Variants in DAW1 observed in about 807,000 individuals in gnomAD.
DAW1 encodes dynein assembly factor with WD repeat domains 1.
In DAW1, 47 loss-of-function variants were observed where a neutral mutation model predicts 56.5. The ratio of observed to expected loss-of-function variants is 0.83; its 90% CI spans 0.66 to 1.06. The LOEUF is 1.06. DAW1 is among the 50% of genes least tolerant of loss of function. The probability of loss-of-function intolerance (pLI) is 0.00; values close to 1 mark genes in which losing one functional copy is unlikely to be tolerated. For missense variants in DAW1, 505 were observed against 499.3 expected (o/e 1.01, Z -0.11); for synonymous variants, 190 against 179.0 (o/e 1.06, Z -0.49).
At chr2:227,890,970 A>G (rs1691247748) in intron 3 of DAW1, among the ~76,000 whole-genome samples, 1 of 152,250 alleles carries the variant, frequency 6.6e-6, no homozygotes, top group Admixed American at 6.5e-5. Flanking sequence ...TTCAGGATTC[A>G]TAAAGTCATA....
At chr2:227,880,886 G>A (rs1355828918) in intron 1 of DAW1, among the ~76,000 whole-genome samples, 1 of 152,168 alleles carries the variant, frequency 6.6e-6, no homozygotes, top group Non-Finnish European at 1.5e-5. Flanking sequence ...GATATAGACT[G>A]GAGATTTGCA....
At chr2:227,875,002 C>A (rs1574644820) in intron 1 of DAW1, among the ~76,000 whole-genome samples, 2 of 128,564 alleles carry the variant, frequency 1.6e-5, no homozygotes, top group East Asian at 2.2e-4. Context: ...AAACAAAAAA[C>A]AAACCATCCC....
At chr2:227,871,757 C>T (rs371444283) in intron 1 of DAW1, 28 bp downstream of exon 1, 14 of 1,613,170 alleles carry the variant, frequency 8.7e-6, no homozygotes, top group South Asian at 1.1e-5. Context: ...CCCGTCATCC[C>T]CACGTGGGAC....
chr2:227,921,237 C>A (rs1468103853), intron 11 of DAW1, among the ~76,000 whole-genome samples, 162 bp from the exon 12 acceptor site: 2 of 148,092 alleles, frequency 1.4e-5, no homozygotes, highest in Non-Finnish European at 3.0e-5. Context: ...TATTTTTTTC[C>A]ATTATGAAGA....
chr2:227,888,156 C>A (rs1691174156), intron 2 of DAW1, among the ~76,000 whole-genome samples: 1 of 152,116 alleles, frequency 6.6e-6, no homozygotes. Flanking sequence ...AGAGCTGGGA[C>A]CATATCTTTT....
chr2:227,877,427 A>ATAGGCGTGAGCCACTGC (rs1239764174), intron 1 of DAW1, among the ~76,000 whole-genome samples: 1 of 152,260 alleles, frequency 6.6e-6, no homozygotes, highest in Non-Finnish European at 1.5e-5. Flanking sequence ...TGCTGGGATT[A>ATAGGCGTGAGCCACTGC]TAGGCGTGAG....
At position 227,917,373 on chromosome 2, in the gene DAW1, G is replaced by C. The variant is rs545658636; in HGVS notation, c.974-1407G>C. Among the ~76,000 whole-genome samples, 5 of 151,690 alleles carry C rather than the reference G, an allele frequency of 3.3e-5. No individual in the cohort carries two copies. The South Asian group carries it at 1.0e-3, about 32-fold the overall frequency. ...CCTCCTGGGTTCATGCCATTCTCCT[G>C]CCTCAGCCTCCCGAGTAGCTGGGGC... On this transcript the variant is annotated intron_variant, in intron 10 of 12. Coordinates refer to ENST00000309931, the MANE Select transcript of DAW1 (RefSeq NM_178821.3).
chr2:227,913,686 C>T (rs1318215036), intron 10 of DAW1, among the ~76,000 whole-genome samples: 1 of 152,100 alleles, frequency 6.6e-6, no homozygotes, highest in Non-Finnish European at 1.5e-5. Flanking sequence ...TGTGTCATCT[C>T]CTTGGCACTG....
chr2:227,902,721 G>A (rs1691575334), intron 6 of DAW1, among the ~76,000 whole-genome samples: 1 of 152,096 alleles, frequency 6.6e-6, no homozygotes, highest in Non-Finnish European at 1.5e-5. Context: ...AAAGGAGGTG[G>A]GCTTCACTTT....
intron 10 of DAW1, among the ~76,000 whole-genome samples, chr2:227,913,988 ATCTCTC>A (rs71723734): frequency 8.1e-5 from 12 of 147,618 alleles, no homozygotes; most frequent in Admixed American, 2.0e-4. Context: ...ATATATCTGT[ATCTCTC>A]TCTCTCTCTC....
At chr2:227,878,295 TA>T (rs1690932402) in intron 1 of DAW1, among the ~76,000 whole-genome samples, 1 of 152,198 alleles carries the variant, frequency 6.6e-6, no homozygotes, top group Admixed American at 6.5e-5. Flanking sequence ...AAAATTATAG[TA>T]CAGAAAGAAA....
chr2:227,883,138 T>C (rs1047457183), intron 1 of DAW1, among the ~76,000 whole-genome samples: 1 of 152,190 alleles, frequency 6.6e-6, no homozygotes, highest in Non-Finnish European at 1.5e-5. Context: ...TGGCAGACAT[T>C]TTCTTGAAAA....
chr2:227,916,104 T>A (rs1691947582), intron 10 of DAW1, among the ~76,000 whole-genome samples: 1 of 152,164 alleles, frequency 6.6e-6, no homozygotes, highest in South Asian at 2.1e-4. Flanking sequence ...ATGTCTTCAT[T>A]GTCTTATTGA....
chr2:227,903,880 GA>G (rs1214252421), intron 7 of DAW1, among the ~76,000 whole-genome samples: 2 of 151,466 alleles, frequency 1.3e-5, no homozygotes, highest in African/African-American at 4.8e-5. Flanking sequence ...GACTGCAAAA[GA>G]AAAAAAATCA....
At chr2:227,885,885 G>C (rs1204208381) in intron 2 of DAW1, among the ~76,000 whole-genome samples, 1 of 151,724 alleles carries the variant, frequency 6.6e-6, no homozygotes, top group Non-Finnish European at 1.5e-5. Context: ...ATGACATTTA[G>C]CCATCATGTG....
chr2:227,919,205 A>G (rs1277595800), intron 11 of DAW1, among the ~76,000 whole-genome samples: 3 of 61,318 alleles, frequency 4.9e-5, no homozygotes, highest in Admixed American at 4.4e-4. Flanking sequence ...AGAAAAAAAA[A>G]AAAGAAAAAA....
intron 10 of DAW1, among the ~76,000 whole-genome samples, chr2:227,911,276 ACGTG>A (rs1394297093): frequency 4.8e-5 from 7 of 144,580 alleles, no homozygotes; most frequent in Admixed American, 2.8e-4. Context: ...ACACATATAC[ACGTG>A]TATATATACA....
chr2:227,889,991 T>A lies in DAW1; in HGVS notation c.249T>A (p.Tyr83Ter). 6.3e-7 allele frequency: 1 copy of A among 1,583,980 alleles called. No homozygotes were observed. The highest frequency in any genetic ancestry group is 2.3e-5 in the East Asian group (1 of 43,430). ...GCCAGAACAGCAATCACACGTTCTA[T>A]CTTTTTAAGGTAATGGATTTAAAAA... ...KLGQNSNHTF[Y>*]LFKVLKAHIL... is the part of the protein sequence containing the mutation. Residue 83 changes from tyrosine (Y) to a stop codon, truncating the protein, a stop_gained, in exon 3 of 13, where the codon TAT (tyrosine) becomes TAA (stop). Coordinates refer to ENST00000309931, the MANE Select transcript of DAW1 (RefSeq NM_178821.3). LOFTEE classifies it high-confidence loss of function.
chr2:227,887,230 T>C (rs1691151996), intron 2 of DAW1, among the ~76,000 whole-genome samples: 1 of 152,206 alleles, frequency 6.6e-6, no homozygotes, highest in Non-Finnish European at 1.5e-5. Context: ...GCACAGATAG[T>C]TTCATTGAAT....
Sources: allele counts gnomAD v4.1 joint callset (sites outside exome capture counted in the v4.1 genomes callset), GRCh38; gene constraint gnomAD v4.1.1; transcripts MANE v1.5; gene names NCBI Gene and HGNC (gene_info 2026-07-23, HGNC 2026-07-21).